The following CPNE4 variants were observed in gnomAD, a reference collection of about 807,000 sequenced individuals.
CPNE4 encodes copine-4.
CPNE4 carries 25 observed loss-of-function variants against 67.9 expected under a neutral mutation model. The observed-to-expected ratio is 0.37, with a 90% confidence interval of 0.27 to 0.51. CPNE4 has a LOEUF of 0.51. CPNE4 is among the 20% of genes least tolerant of loss of function. CPNE4 has a pLI of 0.93. For missense variants in CPNE4, 464 were observed against 690.8 expected (o/e 0.67, Z 3.68); for synonymous variants, 242 against 244.9 (o/e 0.99, Z 0.11).
intron 2 of CPNE4, among the ~76,000 whole-genome samples, chr3:131,769,831 A>G (rs1413861515): frequency 2.0e-5 from 3 of 152,098 alleles, no homozygotes; most frequent in African/African-American, 7.2e-5. Flanking sequence ...ATAGCCCGCT[A>G]TAAGTCAAAT....
intron 1 of CPNE4, among the ~76,000 whole-genome samples, chr3:131,942,266 A>C (rs2071410441): frequency 6.6e-6 from 1 of 152,132 alleles, no homozygotes; most frequent in African/African-American, 2.4e-5. Flanking sequence ...TTATAATTTA[A>C]AAAATTTAAA....
At chr3:131,721,155 C>T (rs993712494) in intron 3 of CPNE4, among the ~76,000 whole-genome samples, 1 of 152,112 alleles carries the variant, frequency 6.6e-6, no homozygotes, top group African/African-American at 2.4e-5. Context: ...TTATCCCCAA[C>T]TAAACTGCTG....
intron 1 of CPNE4, among the ~76,000 whole-genome samples, chr3:131,979,463 G>A (rs141994626): frequency 2.1e-4 from 32 of 151,218 alleles, no homozygotes; most frequent in African/African-American, 7.9e-4. Flanking sequence ...TTTAAGTGCT[G>A]TTGCTTTCAA....
intron 2 of CPNE4, among the ~76,000 whole-genome samples, chr3:131,773,985 T>A (rs1423725215): frequency 6.6e-6 from 1 of 152,162 alleles, no homozygotes; most frequent in Non-Finnish European, 1.5e-5. Context: ...GTCTGCTCTT[T>A]TAAGATAGCA....
intron 1 of CPNE4, among the ~76,000 whole-genome samples, chr3:131,939,811 G>T (rs2107853263): frequency 6.6e-6 from 1 of 152,198 alleles, no homozygotes; most frequent in African/African-American, 2.4e-5. Flanking sequence ...TCTGATTCAA[G>T]CTGGCAGGAT....
chr3:131,831,023 C>T (rs73203817), intron 2 of CPNE4, among the ~76,000 whole-genome samples: 4 of 151,640 alleles, frequency 2.6e-5, no homozygotes, highest in Non-Finnish European at 4.4e-5. Flanking sequence ...TGAATTTTAC[C>T]TGTAGGACTC....
chr3:131,908,402 G>T (rs2107783278), intron 1 of CPNE4, among the ~76,000 whole-genome samples: 1 of 152,234 alleles, frequency 6.6e-6, no homozygotes, highest in African/African-American at 2.4e-5. Context: ...TGTTCAGACA[G>T]GTTTGTAAGT....
chr3:131,983,449 T>G (rs2072961097), intron 1 of CPNE4, among the ~76,000 whole-genome samples: 1 of 152,146 alleles, frequency 6.6e-6, no homozygotes, highest in Non-Finnish European at 1.5e-5. Flanking sequence ...CTGGATATCC[T>G]AATTAATACA....
At chr3:131,732,600 G>A (rs1362619118) in intron 2 of CPNE4, among the ~76,000 whole-genome samples, 4 of 152,116 alleles carry the variant, frequency 2.6e-5, no homozygotes, top group East Asian at 1.9e-4. Context: ...CACTGCCACC[G>A]CTGTCTGCCC....
intron 15 of CPNE4, chr3:131,537,681 A>T: frequency 4.2e-6 from 1 of 238,856 alleles, no homozygotes; most frequent in Non-Finnish European, 8.4e-6. Context: ...CATGCTCTGG[A>T]CACAGTTGGC....
intron 7 of CPNE4, among the ~76,000 whole-genome samples, chr3:131,602,848 A>C (rs1012225375): frequency 6.6e-6 from 1 of 152,160 alleles, no homozygotes; most frequent in Non-Finnish European, 1.5e-5. Flanking sequence ...TTGGGGACTG[A>C]TGGGTGGTTG....
chr3:131,929,196 C>CA (rs57462900), intron 1 of CPNE4, among the ~76,000 whole-genome samples: 1,154 of 98,686 alleles, frequency 0.012, 13 homozygotes, highest in Non-Finnish European at 0.016. Flanking sequence ...TTGTCCTCAC[C>CA]AAAAAAAAAA....
intron 1 of CPNE4, among the ~76,000 whole-genome samples, chr3:131,974,285 A>T (rs1270508666): frequency 6.6e-6 from 1 of 152,174 alleles, no homozygotes; most frequent in Admixed American, 6.5e-5. Context: ...TTGTGCACAT[A>T]TATGTGTACA....
At chr3:131,947,638 GA>G (rs1437468561) in intron 1 of CPNE4, among the ~76,000 whole-genome samples, 1 of 152,096 alleles carries the variant, frequency 6.6e-6, no homozygotes, top group African/African-American at 2.4e-5. Context: ...GTCTATCATT[GA>G]TGGGCATTTG....
chr3:132,029,220 C>G (rs1386873935), intron 1 of CPNE4, among the ~76,000 whole-genome samples: 4 of 152,146 alleles, frequency 2.6e-5, no homozygotes, highest in Non-Finnish European at 4.4e-5. Context: ...AGGCCTGTCA[C>G]GAGGAGTTTT....
chr3:131,710,280 G>C (rs917674677), intron 3 of CPNE4, among the ~76,000 whole-genome samples: 39 of 152,156 alleles, frequency 2.6e-4, no homozygotes, highest in Admixed American at 5.2e-4. Context: ...GGGAAAGATG[G>C]GGTCTAACTG....
chr3:131,737,141 T>TTTTTTTTTTTTTTTTTTTG (rs1491475059), intron 2 of CPNE4, among the ~76,000 whole-genome samples: 2 of 106,028 alleles, frequency 1.9e-5, no homozygotes, highest in Admixed American at 1.0e-4. Flanking sequence ...TTTTTTTTTT[T>TTTTTTTTTTTTTTTTTTTG]GAGAGGGAGT....
chr3:131,608,365 C>T (rs1360004756), intron 7 of CPNE4, among the ~76,000 whole-genome samples: 52 of 152,000 alleles, frequency 3.4e-4, no homozygotes. Context: ...CTGACTGAGC[C>T]AGGAGTTTGA....
chr3:131,766,228 G>A (rs2083009699), intron 2 of CPNE4, among the ~76,000 whole-genome samples: 1 of 152,116 alleles, frequency 6.6e-6, no homozygotes, highest in African/African-American at 2.4e-5. Flanking sequence ...TTTCTCATCT[G>A]TAAAATGAAA....
Sources: gnomAD v4.1 joint callset for allele counts (sites outside exome capture counted in the v4.1 genomes callset) on GRCh38, gnomAD v4.1.1 for gene constraint, MANE v1.5 for transcripts, NCBI Gene and HGNC (gene_info 2026-07-23, HGNC 2026-07-21) for gene names.